The following DPYD variants were observed in gnomAD, a reference collection of about 807,000 sequenced individuals.
DPYD encodes dihydropyrimidine dehydrogenase [NADP(+)].
A neutral mutation model predicts 116.2 loss-of-function variants in DPYD; 109 were observed. The ratio of observed to expected loss-of-function variants is 0.94; its 90% CI spans 0.80 to 1.10. DPYD has a LOEUF of 1.10. Ranked by LOEUF, DPYD falls within the 50% of genes least tolerant of loss-of-function variation. DPYD has a pLI of 0.00. For synonymous variants in DPYD, 440 were observed against 432.0 expected, an observed-to-expected ratio of 1.02 and a Z score of -0.23; for missense variants, 1,302 against 1,254.5, an observed-to-expected ratio of 1.04 and a Z score of -0.57.
chr1:97,328,294 T>C lies in DPYD; in HGVS notation c.2059-21997A>G, dbSNP rs560668798. ...TTAAGAAATAAAACAGTAATGCTAC[T>C]ATATTATAGACATGGTTATTTCTAA... is the stretch of plus-strand genomic sequence containing the variant. On this transcript the variant is annotated intron_variant, in intron 16 of 22. Transcript: ENST00000370192. 2.8e-4 allele frequency among the ~76,000 whole-genome samples: 42 copies of C among 152,296 alleles called. No homozygotes were observed. In the South Asian group the frequency reaches 8.5e-3, roughly 31 times the overall value.
intron 16 of DPYD, among the ~76,000 whole-genome samples, chr1:97,315,869 A>AT (rs1335933964): frequency 6.6e-6 from 1 of 151,888 alleles, no homozygotes; most frequent in African/African-American, 2.4e-5. Flanking sequence ...AGCAGGGCTA[A>AT]TTTTTTTCCT....
intron 8 of DPYD, among the ~76,000 whole-genome samples, chr1:97,613,003 A>AT (rs1557837078): frequency 6.6e-6 from 1 of 152,056 alleles, no homozygotes; most frequent in Non-Finnish European, 1.5e-5. Context: ...TATCCATCAC[A>AT]TTTTTATTAC....
intron 18 of DPYD, among the ~76,000 whole-genome samples, chr1:97,268,847 C>G (rs757424856): frequency 2.6e-5 from 4 of 152,136 alleles, no homozygotes; most frequent in African/African-American, 9.7e-5. Context: ...TTCTTCTATC[C>G]ATATTAATCT....
chr1:97,338,731 A>T (rs1036471122), intron 16 of DPYD, among the ~76,000 whole-genome samples: 1 of 152,172 alleles, frequency 6.6e-6, no homozygotes, highest in African/African-American at 2.4e-5. Context: ...GGGTGTAATC[A>T]CTAGCTCACC....
At chr1:97,632,476 C>T (rs1166363340) in intron 8 of DPYD, among the ~76,000 whole-genome samples, 1 of 152,066 alleles carries the variant, frequency 6.6e-6, no homozygotes. Flanking sequence ...TACAAATGTA[C>T]TTCTAAACTT....
intron 3 of DPYD, among the ~76,000 whole-genome samples, chr1:97,816,909 G>A (rs1668638495): frequency 6.6e-6 from 1 of 152,066 alleles, no homozygotes; most frequent in South Asian, 2.1e-4. Flanking sequence ...AAAATTGGAA[G>A]GACTTCATAG....
At chr1:97,094,834 G>C (rs1239448008) in intron 21 of DPYD, among the ~76,000 whole-genome samples, 1 of 152,088 alleles carries the variant, frequency 6.6e-6, no homozygotes, top group Non-Finnish European at 1.5e-5. Flanking sequence ...CCAACATCAT[G>C]TTCTTTCAAT....
intron 8 of DPYD, among the ~76,000 whole-genome samples, chr1:97,618,738 TCAGAAATAA>T (rs1656453465): frequency 6.6e-6 from 1 of 152,112 alleles, no homozygotes; most frequent in Non-Finnish European, 1.5e-5. Flanking sequence ...TAGCCACACT[TCAGAAATAA>T]ACGTAGGATT....
At chr1:97,093,613 G>A (rs1048444546) in intron 21 of DPYD, among the ~76,000 whole-genome samples, 5 of 152,292 alleles carry the variant, frequency 3.3e-5, no homozygotes, top group African/African-American at 9.6e-5. Context: ...GCTGAGGCAA[G>A]TTCATGCAGC....
chr1:97,362,560 A>AACTT (rs1414366944), intron 16 of DPYD, among the ~76,000 whole-genome samples: 1 of 152,202 alleles, frequency 6.6e-6, no homozygotes, highest in Non-Finnish European at 1.5e-5. Flanking sequence ...CTCTATTACA[A>AACTT]GGCTACAGTA....
At chr1:97,884,871 A>G (rs949102976) in intron 1 of DPYD, among the ~76,000 whole-genome samples, 2 of 152,066 alleles carry the variant, frequency 1.3e-5, no homozygotes, top group Admixed American at 1.3e-4. Context: ...AAAAATCATA[A>G]ATATAATTTT....
intron 8 of DPYD, among the ~76,000 whole-genome samples, chr1:97,661,602 A>G (rs1659261429): frequency 6.6e-6 from 1 of 152,192 alleles, no homozygotes; most frequent in Non-Finnish European, 1.5e-5. Flanking sequence ...AAATCCAGGA[A>G]CAAAGCTCTA....
chr1:97,700,065 A>G (rs1661511768), intron 5 of DPYD: 1 of 350,092 alleles, frequency 2.9e-6, no homozygotes, highest in Admixed American at 3.9e-5. Context: ...ATTTAAAAAA[A>G]TAGTTGAAAC....
At chr1:97,793,976 C>T (rs976027797) in intron 3 of DPYD, among the ~76,000 whole-genome samples, 84 of 152,274 alleles carry the variant, frequency 5.5e-4, no homozygotes, top group African/African-American at 2.0e-3. Context: ...TCACTCCAGT[C>T]GCCCAAGCTA....
intron 19 of DPYD, among the ~76,000 whole-genome samples, chr1:97,226,909 T>C (rs1417576807): frequency 6.6e-6 from 1 of 152,176 alleles, no homozygotes; most frequent in Non-Finnish European, 1.5e-5. Context: ...TGATTTACCA[T>C]TGAAATGTTG....
At position 97,212,494 on chromosome 1, in the gene DPYD, G is replaced by GT. The variant is rs540867645; in HGVS notation, c.2443-19247dup. The stretch of plus-strand genomic sequence containing the variant: ...CTGCTAGGGATTTAGACTGTGTCCA[G>GT]TTTTGGGGTATTAGAAACAATGCTG... On this transcript the variant is annotated intron_variant, in intron 19 of 22. Coordinates refer to ENST00000370192, the MANE Select transcript of DPYD (RefSeq NM_000110.4). Among the ~76,000 whole-genome samples, 32 of 152,134 alleles carry GT rather than the reference G, an allele frequency of 2.1e-4. 1 individual carries two copies. In the South Asian group the frequency reaches 6.6e-3, roughly 32 times the overall value.
At chr1:97,215,434 T>C (rs750643646) in intron 19 of DPYD, among the ~76,000 whole-genome samples, 2 of 152,164 alleles carry the variant, frequency 1.3e-5, no homozygotes, top group Non-Finnish European at 2.9e-5. Context: ...CCTTGCCATA[T>C]TATTTATGAT....
intron 16 of DPYD, among the ~76,000 whole-genome samples, chr1:97,349,137 T>C (rs1670004293): frequency 6.6e-6 from 1 of 152,136 alleles, no homozygotes; most frequent in Non-Finnish European, 1.5e-5. Flanking sequence ...TTTCCTGATC[T>C]AGAAAGTACG....
At chr1:97,090,421 G>A (rs1028254518) in intron 21 of DPYD, among the ~76,000 whole-genome samples, 7 of 152,294 alleles carry the variant, frequency 4.6e-5, no homozygotes, top group Non-Finnish European at 8.8e-5. Context: ...TAATAGCACA[G>A]AGGGTTATTG....
Sources: allele counts gnomAD v4.1 joint callset (sites outside exome capture counted in the v4.1 genomes callset), GRCh38; gene constraint gnomAD v4.1.1; transcripts MANE v1.5; gene names NCBI Gene and HGNC (gene_info 2026-07-23, HGNC 2026-07-21).